The following GPR155 variants were observed in gnomAD, a reference collection of about 807,000 sequenced individuals.
The protein encoded by GPR155 is lysosomal cholesterol signaling protein.
A neutral mutation model predicts 93.1 loss-of-function variants in GPR155; 65 were observed. That is an observed-to-expected ratio of 0.70 (90% confidence interval 0.57 to 0.86). The LOEUF (loss-of-function observed/expected upper bound fraction) is 0.86, where lower values mean the gene tolerates loss of function less well. Among genes scored for constraint, GPR155 ranks in the 40% least tolerant of loss-of-function variants. GPR155 has a pLI of 0.00. For missense variants in GPR155, 838 were observed against 1,034.8 expected (o/e 0.81, Z 2.61); for synonymous variants, 319 against 360.1 (o/e 0.89, Z 1.29).
In GPR155 at chr2:174,467,604, A is replaced by T. The variant is rs995813754; in HGVS notation, c.1183-977T>A. On this transcript the variant is annotated intron_variant, in intron 5 of 15. Transcript: ENST00000392552. ...CAGGGAAGGAGCTTTAGTGGGAGAT[A>T]GTTATAATAATGCACTATTCTAAGT... Among the ~76,000 whole-genome samples the T allele has an allele frequency of 1.3e-5, 2 of 152,230 alleles. 1 individual carries two copies. The highest frequency in any genetic ancestry group is 6.3e-3 in the Middle Eastern group (2 of 316).
intron 10 of GPR155, among the ~76,000 whole-genome samples, chr2:174,458,470 T>C (rs1038666871): frequency 2.0e-5 from 3 of 152,194 alleles, no homozygotes; most frequent in Non-Finnish European, 2.9e-5. Flanking sequence ...CAATTATACA[T>C]TCACTTAAAC....
chr2:174,453,442 C>T (rs1167135709), intron 11 of GPR155, among the ~76,000 whole-genome samples: 2 of 151,868 alleles, frequency 1.3e-5, no homozygotes, highest in Non-Finnish European at 2.9e-5. Flanking sequence ...AGGCAGATCA[C>T]GAGGTCAGGA....
chr2:174,473,049 T>C lies in GPR155; in HGVS notation c.776A>G (p.Tyr259Cys), dbSNP rs772537005. Residue 259 changes from tyrosine to cysteine, a missense_variant, in exon 3 of 16, where the codon TAT becomes TGT. Around this residue, in one of 3 missense-constraint regions of GPR155, gnomAD observed 663 missense variants for 790.1 expected, o/e 0.84. Transcript: ENST00000392552. The part of the protein sequence containing the change: ...GNSFSGSALF[Y>C]LGLTMVGKIK... ...TTTTCCCACCATCGTGAGACCAAGA[T>C]AAAATAGGGCTGATCCAGAAAAAGA... 1.3e-6 allele frequency: 2 copies of C among 1,599,990 alleles called. No homozygotes were observed. The highest frequency in any genetic ancestry group is 1.1e-5 in the South Asian group (1 of 87,528).
chr2:174,443,427 T>G (rs565707288), intron 13 of GPR155, among the ~76,000 whole-genome samples: 91 of 152,294 alleles, frequency 6.0e-4, no homozygotes, highest in African/African-American at 2.1e-3. Flanking sequence ...GGACTAATAT[T>G]CTGTAATGCA....
intron 11 of GPR155, among the ~76,000 whole-genome samples, chr2:174,449,790 A>G (rs1324327716): frequency 1.3e-5 from 2 of 152,102 alleles, no homozygotes; most frequent in African/African-American, 4.8e-5. Flanking sequence ...AGCCTGACCA[A>G]TATGGTGAAA....
chr2:174,485,810 TA>T (rs149883998), intron 1 of GPR155, among the ~76,000 whole-genome samples: 1,619 of 150,850 alleles, frequency 0.011, 41 homozygotes, highest in African/African-American at 0.036. Context: ...AGGGAAGTTT[TA>T]AAAAAAAAAT....
chr2:174,442,229 A>G (rs1266132430), intron 13 of GPR155, 46 bp from the exon 14 acceptor site: 1 of 1,019,008 alleles, frequency 9.8e-7, no homozygotes, highest in African/African-American at 1.6e-5. Context: ...CAACAATAAC[A>G]TTTTAAAACA....
chr2:174,454,256 G>A (rs1420607477), intron 10 of GPR155, among the ~76,000 whole-genome samples: 1 of 152,138 alleles, frequency 6.6e-6, no homozygotes, highest in African/African-American at 2.4e-5. Flanking sequence ...TCCCGCCTCA[G>A]CTTCCGAGTA....
At chr2:174,482,598 G>T (rs898271328) in intron 1 of GPR155, among the ~76,000 whole-genome samples, 1 of 152,172 alleles carries the variant, frequency 6.6e-6, no homozygotes, top group Non-Finnish European at 1.5e-5. Context: ...TCCCAGGCTG[G>T]AGTGCAGTGG....
chr2:174,472,895 T>C, intron 3 of GPR155, 70 bp downstream of exon 3: 1 of 1,205,866 alleles, frequency 8.3e-7, no homozygotes, highest in Non-Finnish European at 1.2e-6. Context: ...GTTGCAGACA[T>C]ACCCCTGATG....
At position 174,459,982 on chromosome 2, in the gene GPR155, T is replaced by G; in HGVS notation, c.1667A>C (p.Gln556Pro). 3 of 1,614,134 alleles carry G rather than the reference T, an allele frequency of 1.9e-6. No homozygotes were observed. The highest frequency in any genetic ancestry group is 2.5e-6 in the Non-Finnish European group (3 of 1,179,992). The change falls in exon 10 of 16, where the codon CAG becomes CCG. Residue 556 changes from glutamine to proline, a missense_variant. Gln to Pro is a moderately conservative substitution (Grantham distance 76). Around this residue, in one of 3 missense-constraint regions of GPR155, gnomAD observed 663 missense variants for 790.1 expected, o/e 0.84. Coordinates refer to ENST00000392552, the MANE Select transcript of GPR155 (RefSeq NM_152529.7). The part of the protein sequence containing the change: ...AQAGSYEGFD[Q>P]SQSHKVVEPG... Reference sequence around the variant, plus strand: ...CTCCACCACTTTGTGGCTCTGAGACTGATCGAAACCTTCATAGCTTCCTGC... The same window carrying G: ...CTCCACCACTTTGTGGCTCTGAGACGGATCGAAACCTTCATAGCTTCCTGC...
In GPR155 at chr2:174,459,932, TCTC is replaced by T. The variant is rs770376281; in HGVS notation, c.1714_1716del (p.Glu572del). On this transcript the variant is annotated inframe_deletion, in exon 10 of 16. Coordinates refer to ENST00000392552, the MANE Select transcript of GPR155 (RefSeq NM_152529.7). ...TCTGGTTCATTTACTGGTGCTGGAC[TCTC>T]CTCAAAAGCAGTATTTCCAGGCTCC... The T allele has an allele frequency of 1.9e-6, 3 of 1,613,990 alleles. No homozygotes were observed. Among genetic ancestry groups the T allele is most frequent in the Admixed American group, 1.7e-5 (1 of 60,000 alleles).
At chr2:174,475,596 C>T (rs920819045) in intron 2 of GPR155, among the ~76,000 whole-genome samples, 7 of 152,008 alleles carry the variant, frequency 4.6e-5, no homozygotes, top group African/African-American at 1.2e-4. Flanking sequence ...TATTTGATTA[C>T]ATAAAACTTT....
intron 9 of GPR155, among the ~76,000 whole-genome samples, chr2:174,460,405 A>ACCCGC (rs1673449758): frequency 6.6e-6 from 1 of 151,436 alleles, no homozygotes; most frequent in Admixed American, 6.6e-5. Flanking sequence ...CTCGTGACCC[A>ACCCGC]CCCGCCTCGG....
intron 2 of GPR155, among the ~76,000 whole-genome samples, chr2:174,473,899 C>T (rs1688070341): frequency 6.6e-6 from 1 of 152,028 alleles, no homozygotes; most frequent in Non-Finnish European, 1.5e-5. Context: ...TGTTTGGAGG[C>T]CTCTAGGAAT....
intron 2 of GPR155, among the ~76,000 whole-genome samples, chr2:174,481,020 C>G (rs1688303359): frequency 6.6e-6 from 1 of 152,190 alleles, no homozygotes. Flanking sequence ...CTCAAGTGAT[C>G]TGCCCCCCTC....
intron 2 of GPR155, among the ~76,000 whole-genome samples, chr2:174,480,066 T>C (rs528508098): frequency 8.5e-5 from 13 of 152,234 alleles, no homozygotes; most frequent in African/African-American, 3.1e-4. Flanking sequence ...AGCAGTGAAA[T>C]AAGTTGGGGT....
chr2:174,437,305 G>A (rs1559094174), intron 15 of GPR155, among the ~76,000 whole-genome samples: 1 of 151,950 alleles, frequency 6.6e-6, no homozygotes, highest in Non-Finnish European at 1.5e-5. Context: ...CAAGGTGAAA[G>A]GAGAAATAGG....
Position 174,473,942 on chromosome 2 carries a change from A to G in GPR155, c.461-578T>C, listed in dbSNP as rs185847366. 7.2e-5 allele frequency among the ~76,000 whole-genome samples: 11 copies of G among 152,344 alleles called. No homozygotes were observed. The East Asian group carries it at 2.1e-3, about 29-fold the overall frequency. On this transcript the variant is annotated intron_variant, in intron 2 of 15. Transcript: ENST00000392552. ...AGTTGGAAGTGCGGGAGTTCAGAGT[A>G]AAACAGCTAATGAGCTACTCAGTTA...
Sources: allele counts gnomAD v4.1 joint callset (sites outside exome capture counted in the v4.1 genomes callset), GRCh38; gene constraint gnomAD v4.1.1; regional missense constraint gnomAD v4.1.1; transcripts MANE v1.5; gene names NCBI Gene and HGNC (gene_info 2026-07-23, HGNC 2026-07-21).